Variants in ZNF503 observed in about 807,000 individuals in gnomAD.
ZNF503 encodes the protein NocA-like zinc finger 2.
A neutral mutation model predicts 34.4 loss-of-function variants in ZNF503; 15 were observed. The observed-to-expected ratio is 0.44, with a 90% CI of 0.29 to 0.67. The LOEUF is 0.67. Ranked by LOEUF, ZNF503 falls within the 30% of genes least tolerant of loss-of-function variation. The pLI, the probability that ZNF503 is intolerant of heterozygous loss-of-function variation, is 0.13. For synonymous variants in ZNF503, 580 were observed against 456.8 expected, an observed-to-expected ratio of 1.27 and a Z score of -3.44; for missense variants, 1,007 against 926.8, an observed-to-expected ratio of 1.09 and a Z score of -1.12.
the ZNF503 span, among the ~76,000 whole-genome samples, chr10:75,307,677 G>A: frequency 6.6e-6 from 1 of 152,218 alleles, no homozygotes; most frequent in Non-Finnish European, 1.5e-5. Flanking sequence ...TGGCTTCAAA[G>A]CTTCAAAGGA....
the ZNF503 span, among the ~76,000 whole-genome samples, chr10:75,326,198 G>A: frequency 1.3e-5 from 2 of 152,174 alleles, no homozygotes; most frequent in Non-Finnish European, 2.9e-5. Context: ...TGCATCTTAT[G>A]ACCTTGCTAA....
chr10:75,337,328 TA>T, the ZNF503 span, among the ~76,000 whole-genome samples: 4 of 139,096 alleles, frequency 2.9e-5, no homozygotes, highest in Admixed American at 1.4e-4. Flanking sequence ...AAACCTGTCT[TA>T]AAAAAAAATT....
chr10:75,297,131 A>T, the ZNF503 span, among the ~76,000 whole-genome samples: 1 of 151,878 alleles, frequency 6.6e-6, no homozygotes, highest in African/African-American at 2.4e-5. Flanking sequence ...ATCTGTGTTT[A>T]TTTCTGTCTA....
the ZNF503 span, among the ~76,000 whole-genome samples, chr10:75,366,205 CT>C: frequency 2.6e-5 from 4 of 152,180 alleles, no homozygotes; most frequent in African/African-American, 9.7e-5. Context: ...GGTTTGAGCT[CT>C]TTTGTATATA....
chr10:75,320,791 C>A, the ZNF503 span, among the ~76,000 whole-genome samples: 1 of 152,068 alleles, frequency 6.6e-6, no homozygotes, highest in Non-Finnish European at 1.5e-5. Flanking sequence ...ATGTGATCTA[C>A]CATATTAACA....
chr10:75,291,224 G>T, the ZNF503 span, among the ~76,000 whole-genome samples: 1 of 152,250 alleles, frequency 6.6e-6, no homozygotes, highest in South Asian at 2.1e-4. Flanking sequence ...CATCACCTTT[G>T]CCTGTGTTAC....
chr10:75,348,961 T>G, the ZNF503 span, among the ~76,000 whole-genome samples: 1 of 150,890 alleles, frequency 6.6e-6, no homozygotes, highest in South Asian at 2.1e-4. Flanking sequence ...TGCTATATAC[T>G]CTCTCTCTCT....
At chr10:75,354,126 G>A in the ZNF503 span, among the ~76,000 whole-genome samples, 1 of 152,220 alleles carries the variant, frequency 6.6e-6, no homozygotes, top group Non-Finnish European at 1.5e-5. Flanking sequence ...TGCTCAGAAT[G>A]CATTCTCCAC....
the ZNF503 span, among the ~76,000 whole-genome samples, chr10:75,369,305 C>A: frequency 6.6e-6 from 1 of 152,038 alleles, no homozygotes; most frequent in African/African-American, 2.4e-5. Flanking sequence ...GTGTCCAGAC[C>A]CAAATCTCAT....
the ZNF503 span, among the ~76,000 whole-genome samples, chr10:75,331,752 C>T: frequency 3.3e-5 from 5 of 152,330 alleles, no homozygotes; most frequent in African/African-American, 1.2e-4. Context: ...CTGCCTCAGA[C>T]TCCCAAGTAG....
chr10:75,339,268 C>T, the ZNF503 span, among the ~76,000 whole-genome samples: 1 of 152,134 alleles, frequency 6.6e-6, no homozygotes, highest in African/African-American at 2.4e-5. Flanking sequence ...TCTCCTCCCT[C>T]TAAAAAATCT....
chr10:75,281,890 G>A, the ZNF503 span, among the ~76,000 whole-genome samples: 250 of 152,288 alleles, frequency 1.6e-3, no homozygotes, highest in African/African-American at 5.8e-3. Flanking sequence ...GCTTAGAAGG[G>A]AACCAAATTT....
chr10:75,370,793 A>G, the ZNF503 span, among the ~76,000 whole-genome samples: 1 of 61,812 alleles, frequency 1.6e-5, no homozygotes, highest in East Asian at 4.8e-4. Context: ...AAAAAAAAAA[A>G]AAAAAAAAAA....
chr10:75,346,484 G>A, the ZNF503 span, among the ~76,000 whole-genome samples: 3 of 148,794 alleles, frequency 2.0e-5, no homozygotes, highest in Non-Finnish European at 3.0e-5. Flanking sequence ...GGGACAGAGT[G>A]CAGTGCTGCA....
At chr10:75,291,055 G>A in the ZNF503 span, among the ~76,000 whole-genome samples, 10 of 152,146 alleles carry the variant, frequency 6.6e-5, no homozygotes, top group African/African-American at 2.2e-4. Flanking sequence ...GGAAATGTCC[G>A]CTCTTTAGTG....
the ZNF503 span, among the ~76,000 whole-genome samples, chr10:75,377,369 C>G: frequency 6.6e-6 from 1 of 152,194 alleles, no homozygotes; most frequent in African/African-American, 2.4e-5. Flanking sequence ...ACCACCTAAA[C>G]CCTGGAGTTA....
the ZNF503 span, among the ~76,000 whole-genome samples, chr10:75,336,628 T>G: frequency 6.6e-6 from 1 of 152,202 alleles, no homozygotes; most frequent in Non-Finnish European, 1.5e-5. Flanking sequence ...GTGGGTCAGA[T>G]GTCCAGGTGG....
the ZNF503 span, among the ~76,000 whole-genome samples, chr10:75,363,508 T>C: frequency 6.6e-6 from 1 of 152,236 alleles, no homozygotes; most frequent in African/African-American, 2.4e-5. Flanking sequence ...TTGGCATATG[T>C]GTGTGTGCTG....
chr10:75,396,151 G>A (rs1257326961), downstream of ZNF503, among the ~76,000 whole-genome samples: 2 of 152,166 alleles, frequency 1.3e-5, no homozygotes, highest in Non-Finnish European at 2.9e-5. The surrounding 1 kb of genome is among the most constrained non-coding windows in gnomAD (Gnocchi z 4.4). Flanking sequence ...CCTGCAGGGC[G>A]GGGGATGTCT....
Sources: gnomAD v4.1 joint callset for allele counts (sites outside exome capture counted in the v4.1 genomes callset) on GRCh38, gnomAD v4.1.1 for gene constraint, Gnocchi (gnomAD v3.1) non-coding constraint, MANE v1.5 for transcripts, NCBI Gene and HGNC (gene_info 2026-07-23, HGNC 2026-07-21) for gene names.